Variants in ROBO2 observed in about 807,000 individuals in gnomAD.
The protein encoded by ROBO2 is roundabout guidance receptor 2.
A neutral mutation model predicts 160.8 loss-of-function variants in ROBO2; 53 were observed. The ratio of observed to expected loss-of-function variants is 0.33; its 90% CI spans 0.26 to 0.41. ROBO2 has a LOEUF of 0.41. Among genes scored for constraint, ROBO2 ranks in the 10% least tolerant of loss-of-function variants. ROBO2 has a pLI of 1.00. For missense variants in ROBO2, 1,577 were observed against 1,722.4 expected (o/e 0.92, Z 1.49); for synonymous variants, 664 against 611.7 (o/e 1.09, Z -1.26).
chr3:77,407,721 G>A (rs13067848), intron 2 of ROBO2, among the ~76,000 whole-genome samples: 17,991 of 152,102 alleles, frequency 0.12, 1,321 homozygotes, highest in East Asian at 0.25. Flanking sequence ...AACTATGTTC[G>A]CAGTTTTAAA....
At chr3:76,039,107 A>T (rs1274690779) in intron 2 of ROBO2, among the ~76,000 whole-genome samples, 1 of 151,918 alleles carries the variant, frequency 6.6e-6, no homozygotes, top group African/African-American at 2.4e-5. Context: ...TTGACTTTGA[A>T]ATGTTCCTCC....
chr3:76,399,283 A>G (rs996505010), intron 2 of ROBO2, among the ~76,000 whole-genome samples: 1 of 141,044 alleles, frequency 7.1e-6, no homozygotes, highest in Non-Finnish European at 1.5e-5. Context: ...TGTGTGCCAG[A>G]TGTTTTTTGT....
intron 1 of ROBO2, among the ~76,000 whole-genome samples, chr3:77,041,477 A>C (rs1413498705): frequency 2.6e-5 from 4 of 152,206 alleles, no homozygotes; most frequent in Non-Finnish European, 5.9e-5. Flanking sequence ...CCAGTGGGCA[A>C]ACACAATGGG....
chr3:76,712,212 A>G (rs560825578), intron 2 of ROBO2, among the ~76,000 whole-genome samples: 2 of 152,368 alleles, frequency 1.3e-5, no homozygotes, highest in South Asian at 4.1e-4. Flanking sequence ...CCTTGCAGAA[A>G]GCAAATCAAT....
chr3:75,945,813 T>G (rs982982524), intron 2 of ROBO2, among the ~76,000 whole-genome samples: 1 of 139,804 alleles, frequency 7.2e-6, no homozygotes, highest in African/African-American at 2.5e-5. Flanking sequence ...AAAAGTAACT[T>G]GTTCTGTTGG....
At chr3:76,537,812 C>A (rs1031658330) in intron 2 of ROBO2, among the ~76,000 whole-genome samples, 2 of 152,050 alleles carry the variant, frequency 1.3e-5, no homozygotes, top group African/African-American at 2.4e-5. Flanking sequence ...GGCAGCTTTA[C>A]AGGGCTCGGG....
At chr3:76,090,870 G>A (rs1241510193) in intron 2 of ROBO2, among the ~76,000 whole-genome samples, 1 of 152,122 alleles carries the variant, frequency 6.6e-6, no homozygotes, top group Non-Finnish European at 1.5e-5. Context: ...TTCAGAAAAT[G>A]GTGCGGGAAC....
At chr3:76,790,373 A>G (rs1381886122) in intron 2 of ROBO2, among the ~76,000 whole-genome samples, 2 of 151,688 alleles carry the variant, frequency 1.3e-5, no homozygotes, top group African/African-American at 4.8e-5. Flanking sequence ...AGAAGCCTTA[A>G]TGGTGTGGAA....
Position 77,358,215 on chromosome 3 carries a change from T to C in ROBO2, c.389-119199T>C, listed in dbSNP as rs141030446. On this transcript the variant is annotated intron_variant, in intron 2 of 25. Coordinates refer to ENST00000461745, the Ensembl canonical transcript of ROBO2. ...GCCATGTTCTCTTGGAGACTCTAGG[T>C]AGACTCTTTCCATGCCTTTTCCTAG... 6.8e-3 allele frequency among the ~76,000 whole-genome samples: 1,031 copies of C among 152,296 alleles called. 16 individuals carry two copies. The highest frequency in any genetic ancestry group is 0.023 in the African/African-American group (970 of 41,568).
At chr3:76,239,311 G>A (rs534503179) in intron 2 of ROBO2, among the ~76,000 whole-genome samples, 144 of 151,670 alleles carry the variant, frequency 9.5e-4, no homozygotes, top group Non-Finnish European at 1.7e-3. Context: ...AAATTATCTG[G>A]CATGACTTTA....
At chr3:77,315,270 C>G (rs550899397) in intron 2 of ROBO2, among the ~76,000 whole-genome samples, 18 of 152,296 alleles carry the variant, frequency 1.2e-4, no homozygotes, top group African/African-American at 4.3e-4. Context: ...AACAAGCACA[C>G]AATTTTAAAT....
chr3:77,445,717 C>T (rs973151977), intron 2 of ROBO2, among the ~76,000 whole-genome samples: 2 of 150,986 alleles, frequency 1.3e-5, no homozygotes, highest in Admixed American at 1.3e-4. Context: ...TAAAAATATG[C>T]ATGTATTTTT....
chr3:77,462,671 G>A (rs547916569), intron 2 of ROBO2, among the ~76,000 whole-genome samples: 24 of 152,146 alleles, frequency 1.6e-4, no homozygotes, highest in South Asian at 4.2e-4. Context: ...GTAAACATAC[G>A]TATTAATAAG....
chr3:77,353,460 C>T (rs139838005), intron 2 of ROBO2, among the ~76,000 whole-genome samples: 95 of 152,206 alleles, frequency 6.2e-4, no homozygotes, highest in East Asian at 2.5e-3. Context: ...AAAGGATAAA[C>T]GTACTTGGTA....
At chr3:75,924,525 G>T (rs1480172746) in intron 1 of ROBO2, among the ~76,000 whole-genome samples, 1 of 151,958 alleles carries the variant, frequency 6.6e-6, no homozygotes, top group Non-Finnish European at 1.5e-5. Flanking sequence ...ACCCCCAGAA[G>T]TATAAAGACA....
intron 2 of ROBO2, among the ~76,000 whole-genome samples, chr3:76,853,406 T>C (rs549923605): frequency 2.2e-4 from 34 of 152,206 alleles, no homozygotes; most frequent in Non-Finnish European, 3.5e-4. Context: ...TCTTTCTGTG[T>C]ATATGGTTTG....
chr3:76,177,761 G>A (rs1032627684), intron 2 of ROBO2, among the ~76,000 whole-genome samples: 24 of 151,950 alleles, frequency 1.6e-4, no homozygotes, highest in African/African-American at 5.1e-4. Flanking sequence ...TTTTATTGTC[G>A]GACACTGACA....
chr3:77,117,907 T>A (rs2074366011), intron 2 of ROBO2, among the ~76,000 whole-genome samples: 1 of 152,186 alleles, frequency 6.6e-6, no homozygotes, highest in Admixed American at 6.5e-5. Flanking sequence ...TTTTCACACA[T>A]TCTCTTGAAT....
chr3:76,862,443 A>T (rs2148623358), intron 2 of ROBO2, among the ~76,000 whole-genome samples: 1 of 152,264 alleles, frequency 6.6e-6, no homozygotes, highest in South Asian at 2.1e-4. Context: ...TCATAAGGAA[A>T]TAAGAATCCA....
Sources: gnomAD v4.1 joint callset for allele counts (sites outside exome capture counted in the v4.1 genomes callset) on GRCh38, gnomAD v4.1.1 for gene constraint, MANE v1.5 for transcripts, NCBI Gene and HGNC (gene_info 2026-07-23, HGNC 2026-07-21) for gene names.